IQCM: variants seen among roughly 807,000 people sequenced by gnomAD.
IQCM encodes the protein IQ domain-containing protein M.
A neutral mutation model predicts 57.6 loss-of-function variants in IQCM; 45 were observed. The observed-to-expected ratio is 0.78, with a 90% CI of 0.62 to 1.00. IQCM has a LOEUF of 1.00. Among genes scored for constraint, IQCM ranks in the 50% least tolerant of loss-of-function variants. IQCM has a pLI of 0.00. For synonymous variants in IQCM, 148 were observed against 158.9 expected (o/e 0.93, Z 0.51); for missense variants, 468 against 511.6 (o/e 0.91, Z 0.82).
chr4:149,631,907 G>A (rs1407774234), intron 7 of IQCM, among the ~76,000 whole-genome samples: 1 of 152,196 alleles, frequency 6.6e-6, no homozygotes, highest in South Asian at 2.1e-4. Context: ...TGAGGCAAAT[G>A]CATACGAGTT....
chr4:149,551,428 G>A (rs938716262), intron 11 of IQCM, among the ~76,000 whole-genome samples: 8 of 152,094 alleles, frequency 5.3e-5, no homozygotes, highest in African/African-American at 1.4e-4. Flanking sequence ...ATTACAAATT[G>A]AGAAGGAGAA....
At chr4:149,693,362 A>G (rs1433762378) in intron 5 of IQCM, among the ~76,000 whole-genome samples, 1 of 152,186 alleles carries the variant, frequency 6.6e-6, no homozygotes, top group East Asian at 1.9e-4. Context: ...CTTGAGATCC[A>G]AATTTGAATA....
At chr4:149,784,652 G>A (rs139823324) in intron 2 of IQCM, among the ~76,000 whole-genome samples, 4,336 of 152,166 alleles carry the variant, frequency 0.028, 210 homozygotes, top group African/African-American at 0.099. Flanking sequence ...CTGACCTCGT[G>A]ATCCACCCGC....
intron 13 of IQCM, among the ~76,000 whole-genome samples, chr4:149,376,445 C>T (rs1292432428): frequency 6.6e-6 from 1 of 152,040 alleles, no homozygotes; most frequent in Non-Finnish European, 1.5e-5. Context: ...GATGCTATTG[C>T]CAAAAACCAG....
intron 5 of IQCM, among the ~76,000 whole-genome samples, chr4:149,690,340 A>G (rs1185618838): frequency 3.9e-5 from 6 of 152,132 alleles, no homozygotes; most frequent in Admixed American, 2.0e-4. Flanking sequence ...ACCAAACATC[A>G]TATGTTCTCA....
chr4:149,704,519 T>C (rs1239808730), intron 5 of IQCM, among the ~76,000 whole-genome samples: 1 of 151,796 alleles, frequency 6.6e-6, no homozygotes, highest in East Asian at 1.9e-4. Flanking sequence ...TATCTCACCC[T>C]TTACAGAAAA....
chr4:149,749,772 C>G (rs564950642), intron 2 of IQCM, among the ~76,000 whole-genome samples: 1 of 152,172 alleles, frequency 6.6e-6, no homozygotes, highest in African/African-American at 2.4e-5. Context: ...CCTGAAAATA[C>G]TACCCTAGTC....
chr4:149,758,239 C>G (rs751616881), intron 2 of IQCM, among the ~76,000 whole-genome samples: 7 of 152,130 alleles, frequency 4.6e-5, no homozygotes, highest in African/African-American at 1.4e-4. Context: ...AAAAGACAGT[C>G]ATTTCAACAA....
chr4:149,575,901 G>T (rs1347340703), intron 9 of IQCM, among the ~76,000 whole-genome samples: 1 of 151,666 alleles, frequency 6.6e-6, no homozygotes, highest in Non-Finnish European at 1.5e-5. Context: ...GGGTCTTATT[G>T]TTATTACAGC....
At chr4:149,473,823 T>C (rs559857611) in intron 12 of IQCM, among the ~76,000 whole-genome samples, 2 of 152,258 alleles carry the variant, frequency 1.3e-5, no homozygotes, top group Admixed American at 6.5e-5. Flanking sequence ...ATGTCCTTTG[T>C]AGGGACATGG....
At chr4:149,446,575 A>C (rs1736534061) in intron 12 of IQCM, among the ~76,000 whole-genome samples, 1 of 151,724 alleles carries the variant, frequency 6.6e-6, no homozygotes, top group South Asian at 2.1e-4. Flanking sequence ...CAGGATCTTA[A>C]TGTGAATTAC....
intron 10 of IQCM, among the ~76,000 whole-genome samples, chr4:149,561,936 GA>G (rs1036263161): frequency 1.1e-4 from 16 of 152,222 alleles, no homozygotes; most frequent in African/African-American, 3.8e-4. Flanking sequence ...GGAAGATCTT[GA>G]AAGATGAATT....
At chr4:149,451,721 T>C (rs909157303) in intron 12 of IQCM, among the ~76,000 whole-genome samples, 2 of 151,718 alleles carry the variant, frequency 1.3e-5, no homozygotes, top group South Asian at 2.1e-4. Flanking sequence ...TTCTCAGCGG[T>C]GTACAGAGGG....
chr4:149,569,796 A>G (rs1392450068), intron 9 of IQCM, among the ~76,000 whole-genome samples: 1 of 152,136 alleles, frequency 6.6e-6, no homozygotes, highest in African/African-American at 2.4e-5. Flanking sequence ...TCCTCCAGAA[A>G]CAGAAAACTT....
chr4:149,627,922 T>A (rs1273765694), intron 7 of IQCM, among the ~76,000 whole-genome samples: 1 of 151,978 alleles, frequency 6.6e-6, no homozygotes, highest in East Asian at 1.9e-4. Context: ...AATGGAGTGA[T>A]GTGAAAAAGG....
intron 8 of IQCM, among the ~76,000 whole-genome samples, chr4:149,594,312 A>G (rs536614855): frequency 5.9e-5 from 9 of 152,032 alleles, no homozygotes; most frequent in Admixed American, 4.6e-4. Flanking sequence ...TATCTCCTTT[A>G]TCATTTTTAT....
intron 10 of IQCM, among the ~76,000 whole-genome samples, chr4:149,561,652 G>A (rs1750131095): frequency 6.6e-6 from 1 of 152,060 alleles, no homozygotes; most frequent in African/African-American, 2.4e-5. Flanking sequence ...AAAAATATAT[G>A]TATACAAAGA....
chr4:149,770,812 T>C (rs1258609707), intron 2 of IQCM, among the ~76,000 whole-genome samples: 1 of 152,064 alleles, frequency 6.6e-6, no homozygotes, highest in Non-Finnish European at 1.5e-5. Context: ...AACCTACAGC[T>C]AGTATCATAC....
chr4:149,711,003 TTG>T (rs1368475223), intron 5 of IQCM: 1 of 152,108 alleles, frequency 6.6e-6, no homozygotes, highest in Non-Finnish European at 1.5e-5. Context: ...GGGGACATCT[TTG>T]GAAGAAGCAG....
Sources: allele counts gnomAD v4.1 joint callset (sites outside exome capture counted in the v4.1 genomes callset), GRCh38; gene constraint gnomAD v4.1.1; transcripts MANE v1.5; gene names NCBI Gene and HGNC (gene_info 2026-07-23, HGNC 2026-07-21).